OR7E24: variants seen among roughly 807,000 people sequenced by gnomAD.
OR7E24 encodes the protein olfactory receptor 7E24.
For synonymous variants in OR7E24, 130 were observed against 157.5 expected (o/e 0.83, Z 1.31); for missense variants, 385 against 410.3 (o/e 0.94, Z 0.53).
upstream of OR7E24, among the ~76,000 whole-genome samples, chr19:9,242,413 A>T (rs527509028): frequency 1.3e-5 from 2 of 151,840 alleles, no homozygotes; most frequent in African/African-American, 4.8e-5. Flanking sequence ...CACCTGGCTA[A>T]TTTTTTTTGT....
At position 9,251,498 on chromosome 19, in the gene OR7E24, T is replaced by C; in HGVS notation, c.455T>C (p.Ile152Thr). The C allele has an allele frequency of 6.2e-7, 1 of 1,614,190 alleles. No individual in the cohort carries two copies. Residue 152 changes from isoleucine to threonine, a missense_variant, in exon 1 of 1, where the codon ATC becomes ACC. Coordinates refer to ENST00000456448, the MANE Select transcript of OR7E24 (RefSeq NM_001079935.2). ...ATCTGTCACCCCCTGCACTACCGAA[T>C]CATCATGAACCCACGCCTCTGTGGC... is the stretch of plus-strand genomic sequence containing the variant. ...VAICHPLHYR[I>T]IMNPRLCGFL...
chr19:9,236,657 G>A, the OR7E24 span, among the ~76,000 whole-genome samples: 1 of 151,614 alleles, frequency 6.6e-6, no homozygotes, highest in African/African-American at 2.4e-5. Context: ...TCCTTTTAAA[G>A]TTTTCTTCTC....
the OR7E24 span, chr19:9,208,962 G>A: frequency 6.6e-6 from 1 of 152,302 alleles, no homozygotes; most frequent in Non-Finnish European, 1.5e-5. Context: ...AAAGTGCTAG[G>A]ACTACAGGCG....
At chr19:9,239,160 T>C in the OR7E24 span, among the ~76,000 whole-genome samples, 14 of 152,048 alleles carry the variant, frequency 9.2e-5, no homozygotes, top group African/African-American at 3.4e-4. Context: ...ATACCCAACA[T>C]TTTTACAATT....
the OR7E24 span, among the ~76,000 whole-genome samples, chr19:9,215,876 C>A: frequency 6.6e-6 from 1 of 152,158 alleles, no homozygotes; most frequent in Non-Finnish European, 1.5e-5. Flanking sequence ...TCTGTTTTCA[C>A]TCTGCTGATA....
At chr19:9,207,854 G>C in the OR7E24 span, 4 of 151,936 alleles carry the variant, frequency 2.6e-5, no homozygotes, top group Non-Finnish European at 5.9e-5. Context: ...TATACTTTGC[G>C]ACCACCTTCT....
At chr19:9,209,392 A>G in the OR7E24 span, 4 of 152,102 alleles carry the variant, frequency 2.6e-5, no homozygotes, top group Admixed American at 6.5e-5. Context: ...TTCCCTTGAA[A>G]TGATAGCCCC....
chr19:9,212,334 G>A, the OR7E24 span: 1 of 152,108 alleles, frequency 6.6e-6, no homozygotes, highest in East Asian at 1.9e-4. Context: ...TGCCACCTGA[G>A]TTTTATTTCA....
upstream of OR7E24, among the ~76,000 whole-genome samples, chr19:9,245,077 G>T (rs141696232): frequency 6.6e-6 from 1 of 151,870 alleles, no homozygotes; most frequent in African/African-American, 2.4e-5. Context: ...ATTAGCGGGC[G>T]GGTGGCCTGC....
chr19:9,236,039 G>T, the OR7E24 span: 1 of 1,606,722 alleles, frequency 6.2e-7, no homozygotes, highest in Non-Finnish European at 8.5e-7. Flanking sequence ...GATGTGAAGG[G>T]GGCCCTGGGG....
chr19:9,237,554 A>T, the OR7E24 span, among the ~76,000 whole-genome samples: 1 of 151,748 alleles, frequency 6.6e-6, no homozygotes, highest in African/African-American at 2.4e-5. Context: ...TGACCTTGTG[A>T]TCCATCCGCC....
chr19:9,242,305 C>A, the OR7E24 span, among the ~76,000 whole-genome samples: 1 of 152,218 alleles, frequency 6.6e-6, no homozygotes, highest in East Asian at 1.9e-4. Flanking sequence ...GCTGGAGTGC[C>A]ATGGCGCTAT....
At chr19:9,221,066 C>T in the OR7E24 span, among the ~76,000 whole-genome samples, 2 of 151,708 alleles carry the variant, frequency 1.3e-5, no homozygotes, top group Non-Finnish European at 2.9e-5. Flanking sequence ...CAGGGTCAGG[C>T]GATCGAGACC....
At chr19:9,214,573 T>G in the OR7E24 span, 1 of 1,614,084 alleles carries the variant, frequency 6.2e-7, no homozygotes, top group Non-Finnish European at 8.5e-7. Context: ...ATGTCTTTGC[T>G]CCGTGCCTGG....
At chr19:9,215,204 G>A in the OR7E24 span, among the ~76,000 whole-genome samples, 8 of 152,100 alleles carry the variant, frequency 5.3e-5, no homozygotes, top group African/African-American at 1.2e-4. Flanking sequence ...TCAGCTGGGC[G>A]TTGTGGAGTG....
chr19:9,230,022 A>G, the OR7E24 span, among the ~76,000 whole-genome samples: 1 of 150,658 alleles, frequency 6.6e-6, no homozygotes, highest in African/African-American at 2.5e-5. Context: ...ATATTTATTT[A>G]GTCTATGAAG....
At chr19:9,230,571 C>T in the OR7E24 span, among the ~76,000 whole-genome samples, 1 of 152,144 alleles carries the variant, frequency 6.6e-6, no homozygotes, top group Admixed American at 6.6e-5. Flanking sequence ...TCACCTCTTC[C>T]TGAATGACTC....
chr19:9,213,216 A>C, the OR7E24 span: 1 of 152,228 alleles, frequency 6.6e-6, no homozygotes, highest in Non-Finnish European at 1.5e-5. Flanking sequence ...AACATTCAAC[A>C]GGATAATTTT....
At position 9,250,961 on chromosome 19, in the gene OR7E24, G is replaced by A. The variant is rs2066143583; in HGVS notation, c.-83G>A. The A allele has an allele frequency of 1.0e-6, 1 of 988,088 alleles. No individual in the cohort carries two copies. The highest frequency in any genetic ancestry group is 1.5e-6 in the Non-Finnish European group (1 of 676,214). The allele number at this position is 988,088 out of a possible 1,614,324, so 61.2% of individuals were successfully genotyped here. ...TGTCACAACTGAGAACTATTGCTGA[G>A]GGTGTATAATCCTATGTGAAAACTT... On this transcript the variant is annotated 5_prime_UTR_variant, in exon 1 of 1. Transcript: ENST00000456448.
Sources: allele counts gnomAD v4.1 joint callset (sites outside exome capture counted in the v4.1 genomes callset), GRCh38; gene constraint gnomAD v4.1.1; transcripts MANE v1.5; gene names NCBI Gene and HGNC (gene_info 2026-07-23, HGNC 2026-07-21).